Variants in CACNA1G observed in about 807,000 individuals in gnomAD.
CACNA1G encodes the protein voltage-dependent T-type calcium channel subunit alpha-1G.
In CACNA1G, 67 loss-of-function variants were observed where a neutral mutation model predicts 219.4. That is an observed-to-expected ratio of 0.31 (90% CI 0.25 to 0.37). The LOEUF is 0.37. Ranked by LOEUF, CACNA1G falls within the 10% of genes least tolerant of loss-of-function variation. The probability of loss-of-function intolerance (pLI) is 1.00; values close to 1 mark genes in which losing one functional copy is unlikely to be tolerated. For missense variants in CACNA1G, 2,380 were observed against 3,231.4 expected (o/e 0.74, Z 6.39); for synonymous variants, 1,296 against 1,345.3 (o/e 0.96, Z 0.80).
rs775784254 is a variant in CACNA1G at position 50,626,367 on chromosome 17, G to C, written c.6750G>C (p.Glu2250Asp). The change falls in exon 38 of 38, where the codon GAG becomes GAC. Residue 2250 changes from glutamate to aspartate, a missense_variant. This residue lies in a region of CACNA1G where 672 missense variants were observed against 670.5 expected (regional missense o/e 1.00). Transcript: ENST00000359106. This position sits in a 1 kb window ranked among gnomAD's most constrained non-coding sequence, Gnocchi z 4.3. The stretch of plus-strand genomic sequence containing the variant: ...ACCTGAAGAAGTGCTACAGCGTGGA[G>C]GCCCAGAGCTGCCAGCGCCGGCCTA... Reference protein sequence around the residue: ...PRDLKKCYSVEAQSCQRRPTS... With the variant: ...PRDLKKCYSVDAQSCQRRPTS... 3.1e-6 allele frequency: 5 copies of C among 1,612,332 alleles called. No individual in the cohort carries two copies. The highest frequency in any genetic ancestry group is 4.2e-6 in the Non-Finnish European group (5 of 1,179,366).
At chr17:50,562,804 T>C (rs2036268479) in intron 1 of CACNA1G, among the ~76,000 whole-genome samples, 1 of 152,054 alleles carries the variant, frequency 6.6e-6, no homozygotes, top group African/African-American at 2.4e-5. Flanking sequence ...TCCAGGGAGA[T>C]GGATTTAGCA....
Position 50,591,486 on chromosome 17 carries a change from C to T in CACNA1G, c.2505C>T (p.Thr835=), listed in dbSNP as rs183746309. ...GGGGCGGCCTGTCGGTGCTGCGGACCTTCCGCCTGATGCGTGTGCTGAAGC... is the reference window on the plus strand; with the variant it reads ...GGGGCGGCCTGTCGGTGCTGCGGACTTTCCGCCTGATGCGTGTGCTGAAGC... ...QQGGGLSVLR[T]FRLMRVLKLV... The change falls in exon 11 of 38, where the codon ACC becomes ACT. Residue 835 remains threonine, a synonymous_variant. Transcript: ENST00000359106. 3 of 1,605,786 alleles carry T rather than the reference C, an allele frequency of 1.9e-6. No individual in the cohort carries two copies. In the Admixed American group the frequency reaches 5.1e-5, roughly 27 times the overall value.
chr17:50,610,637 G>A (rs373924075), intron 26 of CACNA1G, among the ~76,000 whole-genome samples: 35 of 152,114 alleles, frequency 2.3e-4, no homozygotes, highest in African/African-American at 7.2e-4. Context: ...CATGGAGTCC[G>A]TGGCAGGGCT....
Position 50,624,341 on chromosome 17 carries a change from C to CCCG in CACNA1G, c.6230-19_6230-18insCCG. 21 of 1,471,058 alleles carry CCCG rather than the reference C, an allele frequency of 1.4e-5. No homozygotes were observed. Among genetic ancestry groups the CCCG allele is most frequent in the Non-Finnish European group, 1.8e-5 (19 of 1,076,394 alleles). 91.1% of individuals were successfully genotyped at this position (1,471,058 alleles called of 1,614,324 possible). A position where few individuals can be genotyped will look rare whatever the true frequency, so the allele number is the denominator to read the frequency against. ...CCATTCTCTCCCCCCACCCCTCCCCCGCTTCCCTCCCTCCACAGGCTCCGT... is the reference window on the plus strand; with the variant it reads ...CCATTCTCTCCCCCCACCCCTCCCCCCCGGCTTCCCTCCCTCCACAGGCTCCGT... On this transcript the variant is annotated intron_variant, in intron 36 of 37. Transcript: ENST00000359106.
Position 50,626,106 on chromosome 17 carries a change from G to C in CACNA1G, c.6489G>C (p.Leu2163=). Residue 2163 remains leucine, a synonymous_variant, in exon 38 of 38, where the codon CTG becomes CTC. Coordinates refer to ENST00000359106, the MANE Select transcript of CACNA1G (RefSeq NM_018896.5). This position sits in a 1 kb window ranked among gnomAD's most constrained non-coding sequence, Gnocchi z 4.3. ...AGGTGAGTGGGCCCTCCCCGCCCCTGGCCCGGGCCTACTCTTTCTGGGGCC... is the reference window on the plus strand; with the variant it reads ...AGGTGAGTGGGCCCTCCCCGCCCCTCGCCCGGGCCTACTCTTTCTGGGGCC... The part of the protein sequence containing the change: ...LAEVSGPSPP[L]ARAYSFWGQS... 1 of 1,613,634 alleles carries C rather than the reference G, an allele frequency of 6.2e-7. No homozygotes were observed. The highest frequency in any genetic ancestry group is 8.5e-7 in the Non-Finnish European group (1 of 1,179,832).
Position 50,561,389 on chromosome 17 carries a change from G to A in CACNA1G, c.-71G>A. The stretch of plus-strand genomic sequence containing the variant: ...GCCCCCGCCGGGGCCCCCGGGTTGC[G>A]TGAGGACACCTCCTCTGAGGGGCGC... On this transcript the variant is annotated 5_prime_UTR_variant, in exon 1 of 38. It adds an upstream start codon to the 5' untranslated region. Transcript: ENST00000359106. 6.5e-7 allele frequency: 1 copy of A among 1,530,324 alleles called. No individual in the cohort carries two copies. The highest frequency in any genetic ancestry group is 8.7e-7 in the Non-Finnish European group (1 of 1,144,384). The allele number at this position is 1,530,324 out of a possible 1,614,324, so 94.8% of individuals were successfully genotyped here. A position where few individuals can be genotyped will look rare whatever the true frequency, so the allele number is the denominator to read the frequency against.
chr17:50,626,188 A>G lies in CACNA1G; in HGVS notation c.6571A>G (p.Met2191Val). The change falls in exon 38 of 38, where the codon ATG becomes GTG. Residue 2191 changes from methionine to valine, a missense_variant. Met to Val is a conservative substitution (Grantham distance 21, BLOSUM62 1). Around this residue, in one of 17 missense-constraint regions of CACNA1G, gnomAD observed 672 missense variants for 670.5 expected, o/e 1.00. Coordinates refer to ENST00000359106, the MANE Select transcript of CACNA1G (RefSeq NM_018896.5). This position sits in a 1 kb window ranked among gnomAD's most constrained non-coding sequence, Gnocchi z 4.3. ...SRSHSKISKH[M>V]TPPAPCPGPE... Reference sequence around the variant, plus strand: ...CAGCCACAGCAAGATCTCCAAGCACATGACCCCGCCAGCCCCTTGCCCAGG... The same window carrying G: ...CAGCCACAGCAAGATCTCCAAGCACGTGACCCCGCCAGCCCCTTGCCCAGG... 1 of 1,613,892 alleles carries G rather than the reference A, an allele frequency of 6.2e-7. No individual in the cohort carries two copies.
intron 7 of CACNA1G, 144 bp from the exon 8 acceptor site, chr17:50,575,399 G>A (rs1598147233): frequency 2.3e-6 from 2 of 882,874 alleles, no homozygotes; most frequent in Middle Eastern, 3.5e-4. Flanking sequence ...ACCTCCTGAG[G>A]CTGTCTTAAA....
chr17:50,584,154 G>A (rs2042546277), intron 9 of CACNA1G, among the ~76,000 whole-genome samples: 1 of 152,104 alleles, frequency 6.6e-6, no homozygotes, highest in Non-Finnish European at 1.5e-5. Context: ...GATGGCTGTG[G>A]GCCATCCCAG....
In CACNA1G at chr17:50,599,626, C is replaced by A; in HGVS notation, c.3457C>A (p.Pro1153Thr). Residue 1153 changes from proline to threonine, a missense_variant, in exon 17 of 38, where the codon CCT becomes ACT. Transcript: ENST00000359106. The part of the protein sequence containing the change: ...EESSEEERAS[P>T]AGSDHRHRGS... ...GAGCTCAGAAGAGGAGCGGGCCAGC[C>A]CTGCGGGCAGTGACCATCGCCACAG... 1 of 1,612,970 alleles carries A rather than the reference C, an allele frequency of 6.2e-7. No individual in the cohort carries two copies. The highest frequency in any genetic ancestry group is 8.5e-7 in the Non-Finnish European group (1 of 1,179,512).
chr17:50,583,872 C>A (rs553315783), intron 9 of CACNA1G, among the ~76,000 whole-genome samples: 1 of 152,052 alleles, frequency 6.6e-6, no homozygotes, highest in South Asian at 2.1e-4. Context: ...TGGAGGAGGG[C>A]CTAGAGGCTA....
chr17:50,570,178 T>C (rs1235201887), intron 4 of CACNA1G, among the ~76,000 whole-genome samples: 1 of 152,166 alleles, frequency 6.6e-6, no homozygotes, highest in African/African-American at 2.4e-5. Context: ...CAGCCTCTCA[T>C]GCAATCTGGT....
chr17:50,588,705 G>T (rs1331783650), intron 9 of CACNA1G, among the ~76,000 whole-genome samples: 1 of 152,030 alleles, frequency 6.6e-6, no homozygotes, highest in East Asian at 1.9e-4. Context: ...TGCCATACTG[G>T]CCCCCACGAC....
chr17:50,592,218 C>T (rs1055384283), intron 13 of CACNA1G, 126 bp downstream of exon 13: 13 of 998,980 alleles, frequency 1.3e-5, no homozygotes, highest in South Asian at 6.7e-5. Flanking sequence ...GGAAGAGCCT[C>T]TTAGACTAAG....
At chr17:50,562,332 C>G (rs1283408101) in intron 1 of CACNA1G, among the ~76,000 whole-genome samples, 2 of 152,130 alleles carry the variant, frequency 1.3e-5, no homozygotes, top group African/African-American at 4.8e-5. Flanking sequence ...CCTCACCCCC[C>G]ACCTCGCGGG....
At position 50,578,852 on chromosome 17, in the gene CACNA1G, G is replaced by A. The variant is rs1387848241; in HGVS notation, c.2301+288G>A. On this transcript the variant is annotated intron_variant, in intron 9 of 37. Coordinates refer to ENST00000359106, the MANE Select transcript of CACNA1G (RefSeq NM_018896.5). The surrounding 1 kb of genome is among the most constrained non-coding windows in gnomAD (Gnocchi z 4.5). The stretch of plus-strand genomic sequence containing the variant: ...GCTTTGAAGGATGTGAACAAGTGGT[G>A]AGCATCAGCATGTGGGGAGAGGCGC... 6.6e-6 allele frequency among the ~76,000 whole-genome samples: 1 copy of A among 152,202 alleles called. No homozygotes were observed. The highest frequency in any genetic ancestry group is 2.4e-5 in the African/African-American group (1 of 41,452).
chr17:50,569,096 C>T (rs2038769583), intron 2 of CACNA1G, 69 bp from the exon 3 acceptor site: 5 of 1,577,472 alleles, frequency 3.2e-6, no homozygotes, highest in Non-Finnish European at 4.3e-6. Flanking sequence ...CTGGTGGGGA[C>T]TAGGGTGGGA....
intron 1 of CACNA1G, among the ~76,000 whole-genome samples, chr17:50,566,316 C>A (rs1198353369): frequency 1.3e-5 from 2 of 151,322 alleles, no homozygotes; most frequent in Non-Finnish European, 3.0e-5. Context: ...ACCCCCCCCC[C>A]ATCAATTATT....
chr17:50,579,519 C>T (rs9913907), intron 9 of CACNA1G, among the ~76,000 whole-genome samples: 3,942 of 152,220 alleles, frequency 0.026, 181 homozygotes, highest in African/African-American at 0.091. Context: ...CCAGAAGTCG[C>T]TCCCCCTCCC....
Sources: allele counts gnomAD v4.1 joint callset (sites outside exome capture counted in the v4.1 genomes callset), GRCh38; gene constraint gnomAD v4.1.1; regional missense constraint gnomAD v4.1.1; non-coding constraint Gnocchi (gnomAD v3.1); transcripts MANE v1.5; gene names NCBI Gene and HGNC (gene_info 2026-07-23, HGNC 2026-07-21).